Variants in TMTC2 observed in about 807,000 individuals in gnomAD.
TMTC2 encodes protein O-mannosyl-transferase TMTC2.
Under a neutral mutation model 82.4 loss-of-function variants are expected in TMTC2, and 43 were observed. The observed-to-expected ratio is 0.52, with a 90% CI of 0.41 to 0.67. The LOEUF is 0.67. Ranked by LOEUF, TMTC2 falls within the 30% of genes least tolerant of loss-of-function variation. The pLI is 0.00. For synonymous variants in TMTC2, 408 were observed against 381.9 expected (o/e 1.07, Z -0.80); for missense variants, 919 against 1,012.4 (o/e 0.91, Z 1.25).
chr12:83,082,778 A>T (rs1883516454), intron 11 of TMTC2, among the ~76,000 whole-genome samples: 1 of 152,156 alleles, frequency 6.6e-6, no homozygotes. Context: ...GCCTTCCTAA[A>T]TTTATAGAGA....
chr12:82,876,020 AGTGGTGGCGGTG>A (rs1238161256), intron 2 of TMTC2, among the ~76,000 whole-genome samples: 6 of 75,634 alleles, frequency 7.9e-5, no homozygotes, highest in African/African-American at 3.8e-4. Context: ...TAATGGTAGT[AGTGGTGGCGGTG>A]GTGGTGGTGG....
At chr12:82,752,867 C>G (rs923166596) in intron 1 of TMTC2, among the ~76,000 whole-genome samples, 2 of 152,072 alleles carry the variant, frequency 1.3e-5, no homozygotes, top group Non-Finnish European at 2.9e-5. Flanking sequence ...TATCCCTGCT[C>G]AGCTGTGCCA....
chr12:82,981,406 A>T (rs2137329122), intron 7 of TMTC2, among the ~76,000 whole-genome samples: 1 of 151,886 alleles, frequency 6.6e-6, no homozygotes, highest in Non-Finnish European at 1.5e-5. Context: ...TTTTAGGGAG[A>T]GAGAGTGACA....
chr12:82,928,543 T>C (rs972853406), intron 3 of TMTC2, among the ~76,000 whole-genome samples: 3 of 152,226 alleles, frequency 2.0e-5, no homozygotes, highest in Non-Finnish European at 2.9e-5. Flanking sequence ...CAATTTTCTA[T>C]GGACTCATAA....
intron 11 of TMTC2, among the ~76,000 whole-genome samples, chr12:83,126,791 T>C (rs892954546): frequency 6.6e-6 from 1 of 152,088 alleles, no homozygotes; most frequent in African/African-American, 2.4e-5. Flanking sequence ...GAATGAGGTA[T>C]TTAACATTCT....
At chr12:82,934,927 A>G (rs1471809728) in intron 4 of TMTC2, among the ~76,000 whole-genome samples, 1 of 152,092 alleles carries the variant, frequency 6.6e-6, no homozygotes, top group Admixed American at 6.5e-5. Context: ...CTGGCGTGAG[A>G]TGGTATCTCA....
intron 11 of TMTC2, among the ~76,000 whole-genome samples, chr12:83,101,978 T>C (rs569266296): frequency 1.5e-4 from 23 of 152,140 alleles, no homozygotes; most frequent in Non-Finnish European, 2.6e-4. Context: ...ACTAGGGAAA[T>C]TGCATGGGGA....
intron 4 of TMTC2, among the ~76,000 whole-genome samples, chr12:82,937,746 G>GGA (rs1182177004): frequency 0.025 from 1,492 of 60,304 alleles, 49 homozygotes; most frequent in Non-Finnish European, 0.038. Flanking sequence ...GTGTGTGTGT[G>GGA]TGTGTATATA....
intron 1 of TMTC2, among the ~76,000 whole-genome samples, chr12:82,752,215 T>C (rs1413399942): frequency 6.9e-6 from 1 of 145,782 alleles, no homozygotes; most frequent in African/African-American, 2.5e-5. Context: ...GGTGCGGTGG[T>C]GACTCACGCC....
chr12:82,877,003 T>G (rs1872615091), intron 2 of TMTC2, among the ~76,000 whole-genome samples: 1 of 152,190 alleles, frequency 6.6e-6, no homozygotes, highest in Admixed American at 6.5e-5. Flanking sequence ...CCAAATTGGC[T>G]AATTTAAAAA....
chr12:82,863,397 G>A (rs771803401), intron 2 of TMTC2, among the ~76,000 whole-genome samples: 7 of 152,074 alleles, frequency 4.6e-5, no homozygotes, highest in African/African-American at 1.2e-4. Flanking sequence ...AGGCCCTTAC[G>A]AATGAATTTG....
At chr12:82,717,090 G>A (rs181339126) in intron 1 of TMTC2, among the ~76,000 whole-genome samples, 1 of 152,110 alleles carries the variant, frequency 6.6e-6, no homozygotes, top group Non-Finnish European at 1.5e-5. Context: ...TATCACCTCT[G>A]CCTTTGTGTG....
In TMTC2 at chr12:83,043,517, G is replaced by A. The variant is rs577955414; in HGVS notation, c.2153-7387G>A. On this transcript the variant is annotated intron_variant, in intron 9 of 11. Coordinates refer to ENST00000321196, the MANE Select transcript of TMTC2 (RefSeq NM_152588.3). ...AGGTACAGATAGTTGCTTCCGGGAT[G>A]CTGGCAATGTTCTGTTTCATGATCC... Among the ~76,000 whole-genome samples, 11 of 152,332 alleles carry A rather than the reference G, an allele frequency of 7.2e-5. No individual in the cohort carries two copies. In the East Asian group the frequency reaches 1.9e-3, roughly 27 times the overall value.
At position 82,994,196 on chromosome 12, in the gene TMTC2, G is replaced by A. The variant is rs147477665; in HGVS notation, c.2070+8150G>A. Among the ~76,000 whole-genome samples the A allele has an allele frequency of 3.4e-3, 515 of 151,910 alleles. 2 individuals are homozygous for A. The highest frequency in any genetic ancestry group is 6.0e-3 in the Non-Finnish European group (410 of 67,960). Reference sequence around the variant, plus strand: ...TTTGAGACAGGGGTCTCGCTGTATCGCCCCAGGCTGGAGTGCAGTGGCACG... The same window carrying A: ...TTTGAGACAGGGGTCTCGCTGTATCACCCCAGGCTGGAGTGCAGTGGCACG... On this transcript the variant is annotated intron_variant, in intron 8 of 11. Transcript: ENST00000321196.
intron 1 of TMTC2, among the ~76,000 whole-genome samples, chr12:82,700,887 G>A (rs1243866549): frequency 6.6e-6 from 1 of 152,122 alleles, no homozygotes; most frequent in African/African-American, 2.4e-5. Context: ...CACAATCATG[G>A]CAGAAGGTGA....
Position 82,857,566 on chromosome 12 carries a change from C to T in TMTC2, c.640C>T (p.Pro214Ser). ...CAGGCTGAAAATAAAACAGATATTACCTACCATTTACAAAGTAAGTGATTG... is the reference window on the plus strand; with the variant it reads ...CAGGCTGAAAATAAAACAGATATTATCTACCATTTACAAAGTAAGTGATTG... ...FHRLKIKQIL[P>S]TIYKRKNLSL... is the part of the protein sequence containing the mutation. The change falls in exon 2 of 12, where the codon CCT becomes TCT. Residue 214 changes from proline to serine, a missense_variant. By Grantham distance (74) the Pro-to-Ser change is moderately conservative. Transcript: ENST00000321196. 1 of 1,606,266 alleles carries T rather than the reference C, an allele frequency of 6.2e-7. No homozygotes were observed. Among genetic ancestry groups the T allele is most frequent in the Non-Finnish European group, 8.5e-7 (1 of 1,175,952 alleles).
At chr12:82,937,751 T>G (rs1592641166) in intron 4 of TMTC2, among the ~76,000 whole-genome samples, 6 of 52,278 alleles carry the variant, frequency 1.1e-4, no homozygotes, top group Non-Finnish European at 2.0e-4. Flanking sequence ...TGTGTGTGTG[T>G]ATATATATAT....
rs560166489 is a variant in TMTC2 at position 82,981,575 on chromosome 12, C to A, written c.1949-4350C>A. Among the ~76,000 whole-genome samples, 6 of 151,918 alleles carry A rather than the reference C, an allele frequency of 3.9e-5. No homozygotes were observed. The East Asian group carries it at 1.2e-3, about 29-fold the overall frequency. The stretch of plus-strand genomic sequence containing the variant: ...AATCTTCTCATTCTTATGAAAGTAC[C>A]TTTATTATGTCATTTCTTACAGAAT... On this transcript the variant is annotated intron_variant, in intron 7 of 11. Coordinates refer to ENST00000321196, the MANE Select transcript of TMTC2 (RefSeq NM_152588.3).
chr12:82,917,845 A>C (rs71450909), intron 3 of TMTC2, among the ~76,000 whole-genome samples: 1 of 150,154 alleles, frequency 6.7e-6, no homozygotes, highest in African/African-American at 2.5e-5. Flanking sequence ...CTCGTGATCC[A>C]CCCGCCTTGG....
Sources: allele counts gnomAD v4.1 joint callset (sites outside exome capture counted in the v4.1 genomes callset), GRCh38; gene constraint gnomAD v4.1.1; transcripts MANE v1.5; gene names NCBI Gene and HGNC (gene_info 2026-07-23, HGNC 2026-07-21).